The following TMEM237 variants were observed in gnomAD, a reference collection of about 807,000 sequenced individuals.
TMEM237 encodes the protein amyotrophic lateral sclerosis 2 (juvenile) chromosome region, candidate 4.
A neutral mutation model predicts 59.1 loss-of-function variants in TMEM237; 51 were observed. That is an observed-to-expected ratio of 0.86 (90% CI 0.69 to 1.09). TMEM237 has a LOEUF of 1.09. TMEM237 is among the 50% of genes least tolerant of loss of function. TMEM237 has a pLI of 0.00. For missense variants in TMEM237, 475 were observed against 478.3 expected (o/e 0.99, Z 0.06); for synonymous variants, 140 against 166.1 (o/e 0.84, Z 1.21).
intron 11 of TMEM237, 59 bp from the exon 12 acceptor site, chr2:201,626,206 T>G: frequency 6.5e-7 from 1 of 1,546,792 alleles, no homozygotes; most frequent in East Asian, 2.3e-5. Context: ...TACACAAATA[T>G]ATCTATTTTA....
intron 7 of TMEM237, 151 bp downstream of exon 7, chr2:201,631,900 C>T: frequency 1.4e-6 from 1 of 729,934 alleles, no homozygotes; most frequent in African/African-American, 1.7e-5. Context: ...CAGTTTTTCA[C>T]TCTCATGAAT....
chr2:201,631,270 C>T (rs1257349211), intron 7 of TMEM237: 1 of 152,154 alleles, frequency 6.6e-6, no homozygotes, highest in Admixed American at 6.5e-5. Flanking sequence ...CAGGAAGGGG[C>T]CTTCTCCAGT....
intron 5 of TMEM237, chr2:201,636,281 T>C (rs1687295789): frequency 1.3e-5 from 2 of 153,890 alleles, no homozygotes; most frequent in South Asian, 4.1e-4. Context: ...TTCCCATCAA[T>C]ATTGGATTTT....
chr2:201,620,905 T>C lies in TMEM237; in HGVS notation c.*3350A>G, dbSNP rs561312621. 3 of 152,180 alleles carry C rather than the reference T, an allele frequency of 2.0e-5. No homozygotes were observed. The highest frequency in any genetic ancestry group is 4.8e-5 in the African/African-American group (2 of 41,430). The allele number at this position is 152,180 out of a possible 1,614,324, so 9.4% of individuals were successfully genotyped here. Reference sequence around the variant, plus strand: ...ACTGTTAGTTGCTAATCTCAAAAGATAGAGTTCTTTAGGGGCAGGAACCTG... The same window carrying C: ...ACTGTTAGTTGCTAATCTCAAAAGACAGAGTTCTTTAGGGGCAGGAACCTG... On this transcript the variant is annotated 3_prime_UTR_variant, in exon 13 of 13. Transcript: ENST00000409883.
Position 201,636,809 on chromosome 2 carries a change from T to G in TMEM237, c.213A>C (p.Glu71Asp). The G allele has an allele frequency of 6.3e-7, 1 of 1,599,916 alleles. No individual in the cohort carries two copies. Reference protein sequence around the residue: ...PSEGNEPSTKELKEHPEAPVQ... With the variant: ...PSEGNEPSTKDLKEHPEAPVQ... The stretch of plus-strand genomic sequence containing the variant: ...CAGGAGCCTCTGGGTGCTCTTTGAG[T>G]TCTTTAGTTGATGGCTCATTGCCCT... The change falls in exon 5 of 13, where the codon GAA (glutamate) becomes GAC (aspartate). Residue 71 changes from glutamate (E) to aspartate (D), a missense_variant. Transcript: ENST00000409883.
intron 12 of TMEM237, among the ~76,000 whole-genome samples, chr2:201,625,596 T>A (rs1957751603): frequency 6.6e-6 from 1 of 152,168 alleles, no homozygotes; most frequent in African/African-American, 2.4e-5. Flanking sequence ...TGTTAGCCAA[T>A]GAACGGTTAA....
At chr2:201,640,143 A>G in intron 3 of TMEM237, 118 bp downstream of exon 3, 1 of 815,348 alleles carries the variant, frequency 1.2e-6, no homozygotes, top group Admixed American at 3.8e-5. Flanking sequence ...ATTATTTCAC[A>G]AAAACATATT....
chr2:201,624,904 C>G (rs186040066), intron 12 of TMEM237, among the ~76,000 whole-genome samples: 50 of 152,280 alleles, frequency 3.3e-4, no homozygotes, highest in African/African-American at 1.2e-3. Flanking sequence ...CAGTTTTGAT[C>G]CCAGCCACAA....
rs776007128 is a variant in TMEM237 at position 201,639,030 on chromosome 2, C to T, written c.95G>A (p.Ser32Asn). Residue 32 changes from serine to asparagine, a missense_variant, in exon 4 of 13, where the codon AGT becomes AAT. Ser to Asn is a conservative substitution (Grantham distance 46, BLOSUM62 1). Coordinates refer to ENST00000409883, the MANE Select transcript of TMEM237 (RefSeq NM_001044385.3). ...TCTGGGCTTCTTTTTCTTAGGACGA[C>T]TAAGTGGAATATCATCTATAAAGCA... ...PVPSQDDIPL[S>N]RPKKKKPRTK... 2 of 1,581,750 alleles carry T rather than the reference C, an allele frequency of 1.3e-6. No homozygotes were observed. Among genetic ancestry groups the T allele is most frequent in the South Asian group, 2.3e-5 (2 of 86,204 alleles).
Position 201,629,341 on chromosome 2 carries a change from T to C in TMEM237, c.758A>G (p.Asp253Gly). ...AAGGTTTGAGAGGTTGGATAGCTGA[T>C]CTCCTGCTAGAACATATATCACAAC... Reference protein sequence around the residue: ...NIVVIYVLAGDQLSNLSNLLQ... With the variant: ...NIVVIYVLAGGQLSNLSNLLQ... Residue 253 changes from aspartate to glycine, a missense_variant, in exon 9 of 13, where the codon GAT (aspartate) becomes GGT (glycine). Transcript: ENST00000409883. The C allele has an allele frequency of 6.2e-7, 1 of 1,611,204 alleles. No homozygotes were observed. Among genetic ancestry groups the C allele is most frequent in the Non-Finnish European group, 8.5e-7 (1 of 1,179,004 alleles).
intron 2 of TMEM237, 31 bp from the exon 3 acceptor site, chr2:201,640,296 A>C (rs373567817): frequency 6.4e-7 from 1 of 1,550,784 alleles, no homozygotes; most frequent in African/African-American, 1.4e-5. Flanking sequence ...AAACAAATTT[A>C]ATCAGCAGGA....
At chr2:201,624,506 A>G (rs565104141) in intron 12 of TMEM237, among the ~76,000 whole-genome samples, 184 bp from the exon 13 acceptor site, 1 of 152,250 alleles carries the variant, frequency 6.6e-6, no homozygotes, top group African/African-American at 2.4e-5. Flanking sequence ...CAAATGTACA[A>G]GTTTTACATT....
chr2:201,637,014 C>T, intron 4 of TMEM237, 129 bp from the exon 5 acceptor site: 1 of 915,964 alleles, frequency 1.1e-6, no homozygotes, highest in Non-Finnish European at 1.5e-6. Context: ...AACTAATTAT[C>T]CCCCAAATCT....
At chr2:201,634,330 T>C (rs1435442292) in intron 5 of TMEM237, 2 of 152,244 alleles carry the variant, frequency 1.3e-5, no homozygotes, top group African/African-American at 2.4e-5. Context: ...TACAATTCTA[T>C]TGTAATAAAA....
rs142203527 is a variant in TMEM237 at position 201,625,280 on chromosome 2, T to A, written c.1159+746A>T. On this transcript the variant is annotated intron_variant, in intron 12 of 12. Coordinates refer to ENST00000409883, the MANE Select transcript of TMEM237 (RefSeq NM_001044385.3). ...GGGAGGCTGAGGCAGGAGAATGACA[T>A]GAACCCGGGAGGCGGAGCTTGCAGT... 7.9e-3 allele frequency among the ~76,000 whole-genome samples: 1,198 copies of A among 151,766 alleles called. 16 individuals carry two copies. Among genetic ancestry groups the A allele is most frequent in the African/African-American group, 0.028 (1,149 of 41,340 alleles).
chr2:201,627,803 T>C (rs571784113), intron 10 of TMEM237, among the ~76,000 whole-genome samples: 13 of 152,306 alleles, frequency 8.5e-5, no homozygotes, highest in African/African-American at 3.1e-4. Context: ...CTGAATCTGT[T>C]TAATGTCAAG....
intron 4 of TMEM237, chr2:201,638,600 G>C (rs892498729): frequency 1.1e-5 from 2 of 181,116 alleles, no homozygotes; most frequent in Non-Finnish European, 2.3e-5. Flanking sequence ...CTGTAATGTA[G>C]AGATATTCTG....
intron 1 of TMEM237, among the ~76,000 whole-genome samples, chr2:201,641,996 A>G (rs973963101): frequency 2.0e-5 from 3 of 152,238 alleles, no homozygotes; most frequent in Non-Finnish European, 4.4e-5. Context: ...TCAATGGGAA[A>G]CAAATGGAGG....
intron 5 of TMEM237, chr2:201,634,783 T>A: frequency 2.9e-6 from 1 of 343,314 alleles, no homozygotes; most frequent in Non-Finnish European, 6.1e-6. Flanking sequence ...CCAGGCACTG[T>A]GGCATCCCAC....
Sources: gnomAD v4.1 joint callset for allele counts (sites outside exome capture counted in the v4.1 genomes callset) on GRCh38, gnomAD v4.1.1 for gene constraint, MANE v1.5 for transcripts, NCBI Gene and HGNC (gene_info 2026-07-23, HGNC 2026-07-21) for gene names.